The following MORN2 variants were observed in gnomAD, a reference collection of about 807,000 sequenced individuals.
The protein encoded by MORN2 is MORN repeat-containing protein 2.
Under a neutral mutation model 13.4 loss-of-function variants are expected in MORN2, and 15 were observed. That is an observed-to-expected ratio of 1.12 (90% CI 0.75 to 1.72). The LOEUF is 1.72. MORN2 is among the 40% of genes most tolerant of loss of function. The pLI is 0.00. For missense variants in MORN2, 168 were observed against 134.6 expected, an observed-to-expected ratio of 1.25 and a Z score of -1.23; for synonymous variants, 46 against 43.6, an observed-to-expected ratio of 1.06 and a Z score of -0.22.
chr2:38,876,140 C>T (rs1380662341), intron 1 of MORN2, 30 bp downstream of exon 1: 17 of 398,612 alleles, frequency 4.3e-5, no homozygotes, highest in East Asian at 3.6e-4. Context: ...ACGACCCGGG[C>T]AGAGAAGAGC....
rs528112184 is a variant in MORN2 at position 38,881,415 on chromosome 2, T to C, written c.217-27T>C. On this transcript the variant is annotated intron_variant, in intron 3 of 4. Transcript: ENST00000644631. ...TCTTGGGAAACTGAAGATTAGTTTCTAAGGTAATTTCCTTTGTTACAAACA... is the reference window on the plus strand; with the variant it reads ...TCTTGGGAAACTGAAGATTAGTTTCCAAGGTAATTTCCTTTGTTACAAACA... 3.3e-6 allele frequency: 5 copies of C among 1,519,680 alleles called. 1 individual carries two copies. The East Asian group carries it at 1.3e-4, about 38-fold the overall frequency. The allele number at this position is 1,519,680 out of a possible 1,614,324, so 94.1% of individuals were successfully genotyped here.
chr2:38,882,282 G>T (rs1337931553), intron 4 of MORN2, 131 bp from the exon 5 acceptor site: 5 of 391,304 alleles, frequency 1.3e-5, no homozygotes, highest in Non-Finnish European at 2.2e-5. Context: ...CAGGATGCTG[G>T]GTTTAAAAGC....
At position 38,882,707 on chromosome 2, in the gene MORN2, C is replaced by A; in HGVS notation, c.*192C>A. 1 of 393,924 alleles carries A rather than the reference C, an allele frequency of 2.5e-6. No homozygotes were observed. The allele number at this position is 393,924 out of a possible 1,614,324, so 24.4% of individuals were successfully genotyped here. A position where few individuals can be genotyped will look rare whatever the true frequency, so the allele number is the denominator to read the frequency against. On this transcript the variant is annotated 3_prime_UTR_variant, in exon 5 of 5. Transcript: ENST00000644631. ...TTAGTTTAAAATAAATGACATGATT[C>A]AATTCAGTCTGCTTATTATAATAAC...
intron 1 of MORN2, among the ~76,000 whole-genome samples, chr2:38,878,796 C>G (rs1264548042): frequency 6.6e-6 from 1 of 152,064 alleles, no homozygotes; most frequent in African/African-American, 2.4e-5. Context: ...AGTCCTCTAC[C>G]TATTGTGTTA....
At position 38,881,602 on chromosome 2, in the gene MORN2, C is replaced by G. The variant is rs1157540681; in HGVS notation, c.353+24C>G. The G allele has an allele frequency of 6.3e-6, 9 of 1,434,116 alleles. No individual in the cohort carries two copies. In the East Asian group the frequency reaches 2.3e-4, roughly 37 times the overall value. The allele number at this position is 1,434,116 out of a possible 1,614,324, so 88.8% of individuals were successfully genotyped here. A position where few individuals can be genotyped will look rare whatever the true frequency, so the allele number is the denominator to read the frequency against. The stretch of plus-strand genomic sequence containing the variant: ...AGGTAAGCTTAAAATAAAAAAAAAT[C>G]ACTGCATTTCTAAAAGATTATTTTC... On this transcript the variant is annotated intron_variant, in intron 4 of 4. Transcript: ENST00000644631.
chr2:38,879,445 T>C (rs935270010), intron 1 of MORN2, among the ~76,000 whole-genome samples: 11 of 152,150 alleles, frequency 7.2e-5, no homozygotes, highest in African/African-American at 2.7e-4. Flanking sequence ...ATTTATACAA[T>C]ATACTTGGCT....
chr2:38,882,593 A>T lies in MORN2; in HGVS notation c.*78A>T. 9.4e-7 allele frequency: 1 copy of T among 1,061,774 alleles called. No individual in the cohort carries two copies. The highest frequency in any genetic ancestry group is 1.4e-6 in the Non-Finnish European group (1 of 716,614). 65.8% of individuals were successfully genotyped at this position (1,061,774 alleles called of 1,614,324 possible). On this transcript the variant is annotated 3_prime_UTR_variant, in exon 5 of 5. Coordinates refer to ENST00000644631, the MANE Select transcript of MORN2 (RefSeq NM_001145450.3). ...GGAAAGCAACTTAATCTGTTATTTGAAATGACTTCATACACTACCCCTATA... is the reference window on the plus strand; with the variant it reads ...GGAAAGCAACTTAATCTGTTATTTGTAATGACTTCATACACTACCCCTATA...
chr2:38,880,307 T>G (rs984606363), intron 2 of MORN2, 78 bp downstream of exon 2: 3 of 399,076 alleles, frequency 7.5e-6, no homozygotes, highest in Non-Finnish European at 1.3e-5. Context: ...CTGTTAAATT[T>G]TATAAAACTA....
chr2:38,881,142 G>A (rs1013044701), intron 3 of MORN2, among the ~76,000 whole-genome samples: 2 of 152,068 alleles, frequency 1.3e-5, no homozygotes, highest in Admixed American at 1.3e-4. Flanking sequence ...TAACTAAACT[G>A]GTTGCCCTTT....
At chr2:38,879,899 C>G (rs1380146385) in intron 1 of MORN2, among the ~76,000 whole-genome samples, 1 of 152,116 alleles carries the variant, frequency 6.6e-6, no homozygotes, top group Non-Finnish European at 1.5e-5. Context: ...CTACATTAGA[C>G]AATGGAAATA....
At chr2:38,880,760 T>G (rs1665757054) in intron 3 of MORN2, 54 bp downstream of exon 3, 18 of 1,539,614 alleles carry the variant, frequency 1.2e-5, no homozygotes, top group Non-Finnish European at 1.6e-5. Flanking sequence ...GTAGGTTTAG[T>G]GATTCCAGGC....
intron 1 of MORN2, among the ~76,000 whole-genome samples, 184 bp from the exon 2 acceptor site, chr2:38,879,993 CAT>C (rs1347962552): frequency 6.6e-6 from 1 of 152,132 alleles, no homozygotes; most frequent in African/African-American, 2.4e-5. Flanking sequence ...GGTCTTATGA[CAT>C]AAGAATGTTT....
At chr2:38,880,422 A>G (rs571132977) in intron 2 of MORN2, among the ~76,000 whole-genome samples, 178 bp from the exon 3 acceptor site, 2 of 152,216 alleles carry the variant, frequency 1.3e-5, no homozygotes, top group African/African-American at 2.4e-5. Context: ...GGATCTGTCA[A>G]TCTTCCTGGC....
rs191848705 is a variant in MORN2 at position 38,878,546 on chromosome 2, C to T, written c.59-1633C>T. Among the ~76,000 whole-genome samples, 1,343 of 151,504 alleles carry T rather than the reference C, an allele frequency of 8.9e-3. 10 individuals carry two copies. Among genetic ancestry groups the T allele is most frequent in the Non-Finnish European group, 0.013 (914 of 67,906 alleles). On this transcript the variant is annotated intron_variant, in intron 1 of 4. Transcript: ENST00000644631. ...TTTTTTAATTAAAAAATTTTTTTTC[C>T]AGCCATCTCACTCACACTTTGTGCT...
At chr2:38,877,555 C>A (rs951514422) in intron 1 of MORN2, among the ~76,000 whole-genome samples, 9 of 151,998 alleles carry the variant, frequency 5.9e-5, no homozygotes, top group Non-Finnish European at 1.2e-4. Context: ...TAAACGAGAT[C>A]AGAATTCTAG....
At position 38,881,552 on chromosome 2, in the gene MORN2, G is replaced by T; in HGVS notation, c.327G>T (p.Lys109Asn). 1 of 1,522,570 alleles carries T rather than the reference G, an allele frequency of 6.6e-7. No individual in the cohort carries two copies. Among genetic ancestry groups the T allele is most frequent in the South Asian group, 1.3e-5 (1 of 77,304 alleles). 94.3% of individuals were successfully genotyped at this position (1,522,570 alleles called of 1,614,324 possible). Reference sequence around the variant, plus strand: ...CTTACACATTCCCAAATGGGGCAAAGTATACTGGAAATTTCAATGAAAATA... The same window carrying T: ...CTTACACATTCCCAAATGGGGCAAATTATACTGGAAATTTCAATGAAAATA... Residue 109 changes from lysine (K) to asparagine (N), a missense_variant, in exon 4 of 5, where the codon AAG becomes AAT. Physicochemically the swap from Lys to Asn is moderately conservative, Grantham distance 94. Transcript: ENST00000644631.
chr2:38,882,050 AT>A (rs1183004856), intron 4 of MORN2, among the ~76,000 whole-genome samples: 2 of 152,360 alleles, frequency 1.3e-5, no homozygotes, highest in African/African-American at 4.8e-5. Context: ...CTCAAACATC[AT>A]TGATAGTGAA....
Position 38,880,707 on chromosome 2 carries a change from G to C in MORN2, c.216+1G>C, listed in dbSNP as rs781570314. The C allele has an allele frequency of 6.5e-7, 1 of 1,549,684 alleles. No individual in the cohort carries two copies. Among genetic ancestry groups the C allele is most frequent in the Admixed American group, 2.0e-5 (1 of 50,906 alleles). On this transcript the variant is annotated splice_donor_variant, in intron 3 of 4. Coordinates refer to ENST00000644631, the MANE Select transcript of MORN2 (RefSeq NM_001145450.3). LOFTEE classifies it high-confidence loss of function. The stretch of plus-strand genomic sequence containing the variant: ...CACAGGAAGCTGGAAAGATGACAAG[G>C]TATTATTGTTGTTTTTAATATTGGC...
intron 1 of MORN2, among the ~76,000 whole-genome samples, chr2:38,877,478 TAAGC>T (rs1371028849): frequency 6.6e-6 from 1 of 151,968 alleles, no homozygotes. Flanking sequence ...GGGGAAAAAA[TAAGC>T]AAACATAACT....
Sources: allele counts gnomAD v4.1 joint callset (sites outside exome capture counted in the v4.1 genomes callset), GRCh38; gene constraint gnomAD v4.1.1; transcripts MANE v1.5; gene names NCBI Gene and HGNC (gene_info 2026-07-23, HGNC 2026-07-21).